BEND7: variants seen among roughly 807,000 people sequenced by gnomAD.
BEND7 encodes the protein BEN domain-containing protein 7.
In BEND7, 28 loss-of-function variants were observed where a neutral mutation model predicts 50.9. The ratio of observed to expected loss-of-function variants is 0.55; its 90% CI spans 0.41 to 0.75. BEND7 has a LOEUF of 0.75. Ranked by LOEUF, BEND7 falls within the 30% of genes least tolerant of loss-of-function variation. The pLI, the probability that BEND7 is intolerant of heterozygous loss-of-function variation, is 0.00. For synonymous variants in BEND7, 170 were observed against 183.9 expected (o/e 0.92, Z 0.61); for missense variants, 477 against 491.3 (o/e 0.97, Z 0.28).
intron 5 of BEND7, among the ~76,000 whole-genome samples, chr10:13,485,828 G>T (rs920161151): frequency 6.6e-6 from 1 of 152,170 alleles, no homozygotes; most frequent in Admixed American, 6.5e-5. Context: ...ACTCAGGTCT[G>T]CCCCAGGTGG....
At chr10:13,529,515 AC>A (rs1478098453), upstream of BEND7, among the ~76,000 whole-genome samples, 4 of 152,144 alleles carry the variant, frequency 2.6e-5, no homozygotes, top group Admixed American at 2.6e-4. Context: ...CCATTCCCTA[AC>A]CCAGGCTGGG....
At position 13,480,937 on chromosome 10, in the gene BEND7, C is replaced by T. The variant is rs767454294; in HGVS notation, c.1025G>A (p.Arg342Gln). The change falls in exon 6 of 9, where the codon CGG (arginine) becomes CAG (glutamine). Residue 342 changes from arginine to glutamine, a missense_variant. By Grantham distance (43) the Arg-to-Gln change is conservative. This residue lies in a region of BEND7 where 17 missense variants were observed against 38.6 expected (regional missense o/e 0.44). Coordinates refer to ENST00000466271, the MANE Select transcript of BEND7 (RefSeq NM_001369863.1). ...CACAATATTTTGGTCTAGTCCTTTC[C>T]GGTTGTCATTGAGTCCTCTTTTCCT... ...GKRKRGLNDN[R>Q]KGLDQNIVGA... is the part of the protein sequence containing the mutation. 10 of 1,614,128 alleles carry T rather than the reference C, an allele frequency of 6.2e-6. No homozygotes were observed. Among genetic ancestry groups the T allele is most frequent in the South Asian group, 3.3e-5 (3 of 91,066 alleles).
chr10:13,497,750 C>T (rs1295027516), intron 3 of BEND7, among the ~76,000 whole-genome samples: 1 of 152,188 alleles, frequency 6.6e-6, no homozygotes, highest in Non-Finnish European at 1.5e-5. Context: ...ACCTGACCAC[C>T]ATAAAATGGA....
chr10:13,445,631 C>T (rs1039384862), intron 8 of BEND7: 2 of 152,226 alleles, frequency 1.3e-5, no homozygotes, highest in African/African-American at 2.4e-5. Context: ...TTCTCATTCT[C>T]AGATTCCTTG....
chr10:13,484,788 T>C (rs2076103555), intron 5 of BEND7, among the ~76,000 whole-genome samples: 1 of 152,236 alleles, frequency 6.6e-6, no homozygotes, highest in Non-Finnish European at 1.5e-5. Flanking sequence ...GGAGTCTGAA[T>C]TCCTACTATA....
At chr10:13,462,925 G>GAAC (rs2131309352) in intron 6 of BEND7, among the ~76,000 whole-genome samples, 1 of 152,268 alleles carries the variant, frequency 6.6e-6, no homozygotes, top group African/African-American at 2.4e-5. Context: ...ATCTACAGAA[G>GAAC]AACAACAGGT....
chr10:13,491,568 CA>C (rs879481911), intron 5 of BEND7, among the ~76,000 whole-genome samples: 216 of 130,104 alleles, frequency 1.7e-3, no homozygotes, highest in Middle Eastern at 3.8e-3. Context: ...TTATAGATTT[CA>C]AAAAAAAAAA....
chr10:13,504,837 A>T (rs1481970759), intron 2 of BEND7, among the ~76,000 whole-genome samples: 1 of 152,236 alleles, frequency 6.6e-6, no homozygotes, highest in Non-Finnish European at 1.5e-5. Flanking sequence ...AGATCTAAAA[A>T]GATTGTATGC....
chr10:13,509,211 G>A (rs1342175485), intron 2 of BEND7, among the ~76,000 whole-genome samples: 1 of 152,178 alleles, frequency 6.6e-6, no homozygotes, highest in Non-Finnish European at 1.5e-5. Context: ...AGGGGAATAA[G>A]GAACAAACAA....
rs539088161 is a variant in BEND7, at chr10:13,441,914, A to C, written c.1235-164T>G. On this transcript the variant is annotated intron_variant, in intron 8 of 8. Transcript: ENST00000466271. ...CACATATATGAGATGTAACTTGTCTAGTAGTTAGATTGATTCTACAAGCCA... is the reference window on the plus strand; with the variant it reads ...CACATATATGAGATGTAACTTGTCTCGTAGTTAGATTGATTCTACAAGCCA... 1.8e-4 allele frequency: 125 copies of C among 682,716 alleles called. 1 individual carries two copies. In the African/African-American group the frequency reaches 2.1e-3, roughly 11 times the overall value. 42.3% of individuals were successfully genotyped at this position (682,716 alleles called of 1,614,324 possible). A position where few individuals can be genotyped will look rare whatever the true frequency, so the allele number is the denominator to read the frequency against.
rs2226030 is a variant in BEND7 at position 13,512,431 on chromosome 10, G to C, written c.146-12351C>G. Among the ~76,000 whole-genome samples the C allele has an allele frequency of 1.6e-3, 242 of 152,336 alleles. 7 individuals carry two copies. The South Asian group carries it at 0.038, about 24-fold the overall frequency. On this transcript the variant is annotated intron_variant, in intron 2 of 8. Coordinates refer to ENST00000466271, the MANE Select transcript of BEND7 (RefSeq NM_001369863.1). ...GCTGACAATACACCTAGGAAAAATA[G>C]AACAAGACTGTAGATTAAGAGCTGC...
upstream of BEND7, among the ~76,000 whole-genome samples, chr10:13,529,315 T>C (rs1402857761): frequency 6.6e-6 from 1 of 151,326 alleles, no homozygotes. Context: ...GCTAACTCCG[T>C]GCACCTCGCC....
At chr10:13,452,965 TC>T (rs1255719864) in intron 6 of BEND7, among the ~76,000 whole-genome samples, 2 of 152,214 alleles carry the variant, frequency 1.3e-5, no homozygotes, top group East Asian at 3.8e-4. Flanking sequence ...AGAAAATGCT[TC>T]CTAAGGGTCT....
chr10:13,439,670 C>G (rs902369261), downstream of BEND7, among the ~76,000 whole-genome samples: 2 of 152,328 alleles, frequency 1.3e-5, no homozygotes, highest in Admixed American at 6.5e-5. Context: ...CCAGCCTGAG[C>G]TGATTCTTTC....
At chr10:13,440,006 G>C (rs137906558), downstream of BEND7, among the ~76,000 whole-genome samples, 2,520 of 152,298 alleles carry the variant, frequency 0.017, 37 homozygotes, top group Non-Finnish European at 0.026. Context: ...AAATGGTGCA[G>C]CTGAACTCGG....
chr10:13,457,851 A>T (rs571963628), intron 6 of BEND7, among the ~76,000 whole-genome samples: 2 of 152,364 alleles, frequency 1.3e-5, no homozygotes, highest in Non-Finnish European at 2.9e-5. Flanking sequence ...GTTTTCTACT[A>T]TGTTAATAGT....
chr10:13,510,021 G>T (rs2078168858), intron 2 of BEND7, among the ~76,000 whole-genome samples: 1 of 152,134 alleles, frequency 6.6e-6, no homozygotes, highest in Admixed American at 6.5e-5. Context: ...ATGAGTAACT[G>T]CATCTAACAT....
intron 6 of BEND7, among the ~76,000 whole-genome samples, chr10:13,464,998 G>A (rs2074086289): frequency 2.0e-5 from 3 of 152,184 alleles, no homozygotes; most frequent in Admixed American, 2.0e-4. Flanking sequence ...AGGCCTACCT[G>A]AGTTCGTTAA....
At position 13,441,612 on chromosome 10, in the gene BEND7, T is replaced by C. The variant is rs1288614395; in HGVS notation, c.*131A>G. On this transcript the variant is annotated 3_prime_UTR_variant, in exon 9 of 9. Coordinates refer to ENST00000466271, the MANE Select transcript of BEND7 (RefSeq NM_001369863.1). ...CTTGACCAGCAACATACTCATCCTA[T>C]TTTAACACGGCGAAAGGTCACCAAT... 11 of 1,544,558 alleles carry C rather than the reference T, an allele frequency of 7.1e-6. No individual in the cohort carries two copies. Among genetic ancestry groups the C allele is most frequent in the Middle Eastern group, 1.7e-4 (1 of 5,804 alleles).
Sources: allele counts gnomAD v4.1 joint callset (sites outside exome capture counted in the v4.1 genomes callset), GRCh38; gene constraint gnomAD v4.1.1; regional missense constraint gnomAD v4.1.1; transcripts MANE v1.5; gene names NCBI Gene and HGNC (gene_info 2026-07-23, HGNC 2026-07-21).